Variants in TENM4 observed in about 807,000 individuals in gnomAD.
The protein encoded by TENM4 is teneurin-4.
TENM4 carries 82 observed loss-of-function variants against 243.3 expected under a neutral mutation model. The observed-to-expected ratio is 0.34, with a 90% CI of 0.28 to 0.40. The LOEUF (loss-of-function observed/expected upper bound fraction) is 0.40, where lower values mean the gene tolerates loss of function less well. Ranked by LOEUF, TENM4 falls within the 10% of genes least tolerant of loss-of-function variation. TENM4 has a pLI of 1.00. For missense variants in TENM4, 3,138 were observed against 3,673.3 expected (o/e 0.85, Z 3.77); for synonymous variants, 1,412 against 1,456.3 (o/e 0.97, Z 0.69).
intron 3 of TENM4, among the ~76,000 whole-genome samples, chr11:79,153,152 G>A (rs1862541763): frequency 6.6e-6 from 1 of 152,150 alleles, no homozygotes; most frequent in African/African-American, 2.4e-5. Flanking sequence ...CTGTGCTCAG[G>A]TTTTGGTTTG....
At chr11:78,844,556 C>T (rs779909394) in intron 12 of TENM4, among the ~76,000 whole-genome samples, 1 of 151,898 alleles carries the variant, frequency 6.6e-6, no homozygotes, top group East Asian at 1.9e-4. Context: ...GCAGGAGAAT[C>T]GCTTGAACCA....
intron 9 of TENM4, among the ~76,000 whole-genome samples, chr11:78,869,918 C>G (rs1349904048): frequency 2.6e-5 from 4 of 152,044 alleles, no homozygotes; most frequent in Non-Finnish European, 2.9e-5. Flanking sequence ...AAGCATGGGC[C>G]CCCATCCTTT....
chr11:79,276,847 G>A (rs1402102756), intron 2 of TENM4, among the ~76,000 whole-genome samples: 1 of 152,124 alleles, frequency 6.6e-6, no homozygotes, highest in Non-Finnish European at 1.5e-5. Flanking sequence ...TCACCCAACA[G>A]AGAGAAGGGG....
chr11:79,377,876 A>T (rs987956153), intron 1 of TENM4, among the ~76,000 whole-genome samples: 33 of 116,202 alleles, frequency 2.8e-4, no homozygotes, highest in Non-Finnish European at 4.6e-4. Context: ...AATACAATTA[A>T]AAAAAATAGA....
At chr11:79,041,220 C>T (rs1859518382) in intron 6 of TENM4, among the ~76,000 whole-genome samples, 1 of 152,120 alleles carries the variant, frequency 6.6e-6, no homozygotes. Flanking sequence ...TCTGCCACTG[C>T]ACCTGGCTAA....
chr11:78,853,714 A>G (rs1858601817), intron 12 of TENM4, among the ~76,000 whole-genome samples: 1 of 152,202 alleles, frequency 6.6e-6, no homozygotes, highest in Non-Finnish European at 1.5e-5. Flanking sequence ...GAAAACCAAA[A>G]CAAAACCCAA....
intron 6 of TENM4, among the ~76,000 whole-genome samples, chr11:79,046,924 C>T (rs1486440332): frequency 6.6e-6 from 1 of 152,168 alleles, no homozygotes; most frequent in African/African-American, 2.4e-5. Context: ...TTCTGGGCCT[C>T]CATCTAGCAT....
At chr11:79,337,696 C>T (rs143907278) in intron 1 of TENM4, among the ~76,000 whole-genome samples, 34 of 152,270 alleles carry the variant, frequency 2.2e-4, no homozygotes, top group African/African-American at 7.9e-4. Flanking sequence ...TTTCTAGCAA[C>T]TTCCATTTTT....
intron 2 of TENM4, among the ~76,000 whole-genome samples, chr11:79,282,481 C>A (rs888717102): frequency 2.6e-5 from 4 of 152,250 alleles, no homozygotes; most frequent in African/African-American, 9.6e-5. Flanking sequence ...ATCTTTACTG[C>A]AGAGAAACTG....
rs533625302 is a variant in TENM4 at position 78,835,114 on chromosome 11, C to T, written c.1681+18990G>A. The stretch of plus-strand genomic sequence containing the variant: ...CTCTTATTATAGTGGGACTCCAGGG[C>T]GGTGAGGCATGTAACAGTCAACCAC... On this transcript the variant is annotated intron_variant, in intron 12 of 33. Coordinates refer to ENST00000278550, the MANE Select transcript of TENM4 (RefSeq NM_001098816.3). 3.2e-4 allele frequency among the ~76,000 whole-genome samples: 49 copies of T among 152,230 alleles called. 1 individual carries two copies. The highest frequency in any genetic ancestry group is 9.2e-4 in the African/African-American group (38 of 41,528).
chr11:78,979,257 G>T (rs955350332), intron 6 of TENM4, among the ~76,000 whole-genome samples: 1 of 152,028 alleles, frequency 6.6e-6, no homozygotes. Flanking sequence ...CCCAAGGGAG[G>T]GACTCCAACC....
intron 1 of TENM4, among the ~76,000 whole-genome samples, chr11:79,334,036 G>A (rs529261685): frequency 2.0e-5 from 3 of 152,298 alleles, no homozygotes; most frequent in South Asian, 2.1e-4. Context: ...CAGAATGATC[G>A]TCTAAGTCAT....
intron 2 of TENM4, among the ~76,000 whole-genome samples, chr11:79,274,145 G>T (rs564536845): frequency 6.6e-6 from 1 of 152,352 alleles, no homozygotes; most frequent in Admixed American, 6.5e-5. Context: ...CTAATGTGGG[G>T]AAGTTACCCA....
At position 79,070,250 on chromosome 11, in the gene TENM4, G is replaced by C. The variant is rs545746788; in HGVS notation, c.-65-241C>G. ...ATTCACCTTGAGGAGGCCTCCTCCA[G>C]TGATGGGCACCGAGGAAGCTGACAG... On this transcript the variant is annotated intron_variant, in intron 4 of 33. Coordinates refer to ENST00000278550, the MANE Select transcript of TENM4 (RefSeq NM_001098816.3). 1.6e-3 allele frequency among the ~76,000 whole-genome samples: 247 copies of C among 152,312 alleles called. 3 individuals are homozygous for C. Among genetic ancestry groups the C allele is most frequent in the Admixed American group, 3.5e-3 (53 of 15,308 alleles).
At chr11:79,305,500 G>T (rs1460039879) in intron 1 of TENM4, among the ~76,000 whole-genome samples, 16 of 152,136 alleles carry the variant, frequency 1.1e-4, no homozygotes, top group Admixed American at 1.0e-3. Context: ...GGATGGAATG[G>T]GCAAGACAGA....
chr11:78,935,204 G>T (rs1485229060), intron 6 of TENM4, among the ~76,000 whole-genome samples: 3 of 151,030 alleles, frequency 2.0e-5, no homozygotes, highest in African/African-American at 7.3e-5. Context: ...GTAGAGACGG[G>T]GTTTCACCTT....
chr11:78,716,299 C>T (rs1300883650), intron 25 of TENM4, among the ~76,000 whole-genome samples: 1 of 152,202 alleles, frequency 6.6e-6, no homozygotes, highest in Non-Finnish European at 1.5e-5. Flanking sequence ...CATTCCTGAA[C>T]CCCCTCTTCT....
At chr11:79,217,768 G>C (rs1864081293) in intron 2 of TENM4, among the ~76,000 whole-genome samples, 1 of 151,864 alleles carries the variant, frequency 6.6e-6, no homozygotes, top group African/African-American at 2.4e-5. Context: ...TGTGGCCCAG[G>C]CTGGAGTGCA....
At chr11:79,154,789 T>A (rs1565226626) in intron 3 of TENM4, among the ~76,000 whole-genome samples, 1 of 152,070 alleles carries the variant, frequency 6.6e-6, no homozygotes, top group East Asian at 1.9e-4. Flanking sequence ...AGAGTGATGA[T>A]CTGATTAATG....
Sources: allele counts gnomAD v4.1 joint callset (sites outside exome capture counted in the v4.1 genomes callset), GRCh38; gene constraint gnomAD v4.1.1; transcripts MANE v1.5; gene names NCBI Gene and HGNC (gene_info 2026-07-23, HGNC 2026-07-21).